Variants in MLLT6 observed in about 807,000 individuals in gnomAD.
The protein encoded by MLLT6 is protein AF-17.
MLLT6 carries 22 observed loss-of-function variants against 103.0 expected under a neutral mutation model. The observed-to-expected ratio is 0.21, with a 90% CI of 0.15 to 0.31. The LOEUF is 0.31. MLLT6 is among the 10% of genes least tolerant of loss of function. The pLI is 1.00. For synonymous variants in MLLT6, 606 were observed against 623.5 expected (o/e 0.97, Z 0.42); for missense variants, 1,199 against 1,441.7 (o/e 0.83, Z 2.73).
intron 6 of MLLT6, 144 bp from the exon 7 acceptor site, chr17:38,711,703 G>A (rs1905145685): frequency 9.8e-6 from 10 of 1,025,178 alleles, no homozygotes; most frequent in Non-Finnish European, 1.1e-5. Context: ...GCTGAGCAGA[G>A]CATCATAGAG....
Position 38,709,008 on chromosome 17 carries a change from C to G in MLLT6, c.355-165C>G. ...AGCCCATGTGACTGGTGGCATTTGT[C>G]TTGGACGGCGCAGACCATAGAGCGT... On this transcript the variant is annotated intron_variant, in intron 4 of 19. Coordinates refer to ENST00000621332, the MANE Select transcript of MLLT6 (RefSeq NM_005937.4). The surrounding 1 kb of genome is among the most constrained non-coding windows in gnomAD (Gnocchi z 4.3). 1.6e-6 allele frequency: 1 copy of G among 616,698 alleles called. No homozygotes were observed. Among genetic ancestry groups the G allele is most frequent in the Non-Finnish European group, 2.8e-6 (1 of 352,056 alleles). The allele number at this position is 616,698 out of a possible 1,614,324, so 38.2% of individuals were successfully genotyped here. A position where few individuals can be genotyped will look rare whatever the true frequency, so the allele number is the denominator to read the frequency against.
In MLLT6 at chr17:38,707,512, C is replaced by T. The variant is rs767371375; in HGVS notation, c.216C>T (p.Asp72=). The T allele has an allele frequency of 2.5e-5, 40 of 1,614,030 alleles. 1 individual carries two copies. Among genetic ancestry groups the T allele is most frequent in the South Asian group, 2.2e-4 (20 of 91,086 alleles). The part of the protein sequence containing the change: ...RVRCELCPHK[D]GALKRTDNGG... ...GGTGTGAGCTGTGCCCACACAAAGA[C>T]GGGGCATTGAAGAGGACTGATAATG... Residue 72 remains aspartate, a synonymous_variant, in exon 3 of 20, where the codon GAC becomes GAT. Transcript: ENST00000621332.
At position 38,722,171 on chromosome 17, in the gene MLLT6, A is replaced by G; in HGVS notation, c.2736A>G (p.Ala912=). 1 of 1,368,416 alleles carries G rather than the reference A, an allele frequency of 7.3e-7. No homozygotes were observed. The highest frequency in any genetic ancestry group is 9.4e-7 in the Non-Finnish European group (1 of 1,066,086). 84.8% of individuals were successfully genotyped at this position (1,368,416 alleles called of 1,614,324 possible). ...ATGGGGCCGCTGCCCCCAACCCCGC[A>G]AGCTTGAGCCAGGCTGGCGGGGCCC... is the stretch of plus-strand genomic sequence containing the variant. ...GLNGAAAPNP[A]SLSQAGGAPT... Residue 912 remains alanine (A), a synonymous_variant, in exon 17 of 20, where the codon GCA becomes GCG. Coordinates refer to ENST00000621332, the MANE Select transcript of MLLT6 (RefSeq NM_005937.4).
In MLLT6 at chr17:38,722,046, G is replaced by A. The variant is rs552726115; in HGVS notation, c.2611G>A (p.Gly871Arg). The stretch of plus-strand genomic sequence containing the variant: ...GCAGAACGGGTTGGGCCGGGCACCC[G>A]GGGCAGCGGGGCTGGGGGCCATGCC... ...QPQNGLGRAP[G>R]AAGLGAMPMA... Residue 871 changes from glycine to arginine, a missense_variant, in exon 17 of 20, where the codon GGG (glycine) becomes AGG (arginine). Physicochemically the swap from Gly to Arg is moderately radical, Grantham distance 125 (BLOSUM62 -2). Coordinates refer to ENST00000621332, the MANE Select transcript of MLLT6 (RefSeq NM_005937.4). 11 of 1,407,632 alleles carry A rather than the reference G, an allele frequency of 7.8e-6. No individual in the cohort carries two copies. The highest frequency in any genetic ancestry group is 3.0e-5 in the Admixed American group (1 of 33,646). 87.2% of individuals were successfully genotyped at this position (1,407,632 alleles called of 1,614,324 possible).
rs1407045381 is a variant in MLLT6 at position 38,716,458 on chromosome 17, C to T, written c.1128C>T (p.Ala376=). ...EDKYSKPTAP[A]PSAPPSPSAP... ...AGTACTCCAAGCCCACAGCCCCCGC[C>T]CCTTCAGCCCCTCCTTCTCCCTCAG... is the stretch of plus-strand genomic sequence containing the variant. Residue 376 remains alanine (A), a synonymous_variant, in exon 10 of 20, where the codon GCC becomes GCT. Transcript: ENST00000621332. The surrounding 1 kb of genome is among the most constrained non-coding windows in gnomAD (Gnocchi z 5.6). The T allele has an allele frequency of 1.2e-6, 2 of 1,613,972 alleles. No homozygotes were observed. Among genetic ancestry groups the T allele is most frequent in the Non-Finnish European group, 1.7e-6 (2 of 1,179,900 alleles).
intron 8 of MLLT6, chr17:38,714,820 C>G (rs1346267789): frequency 6.6e-6 from 1 of 152,278 alleles, no homozygotes; most frequent in African/African-American, 2.4e-5. Flanking sequence ...CTCTGCCCGA[C>G]TTAGAGCCCA....
Position 38,709,014 on chromosome 17 carries a change from C to T in MLLT6, c.355-159C>T, listed in dbSNP as rs72836944. 3.3e-3 allele frequency: 2,056 copies of T among 624,838 alleles called. 3 individuals carry two copies. The highest frequency in any genetic ancestry group is 5.0e-3 in the Non-Finnish European group (1,795 of 357,120). The allele number at this position is 624,838 out of a possible 1,614,324, so 38.7% of individuals were successfully genotyped here. ...TGTGACTGGTGGCATTTGTCTTGGA[C>T]GGCGCAGACCATAGAGCGTTTTCAT... is the stretch of plus-strand genomic sequence containing the variant. On this transcript the variant is annotated intron_variant, in intron 4 of 19. Transcript: ENST00000621332. This position sits in a 1 kb window ranked among gnomAD's most constrained non-coding sequence, Gnocchi z 4.3.
intron 4 of MLLT6, chr17:38,708,125 A>AT: frequency 1.9e-6 from 1 of 532,776 alleles, no homozygotes. Context: ...TCATTCATTC[A>AT]TTCGCTGGAC....
intron 18 of MLLT6, 60 bp downstream of exon 18, chr17:38,722,828 C>CA: frequency 7.8e-7 from 1 of 1,288,848 alleles, no homozygotes; most frequent in Non-Finnish European, 1.1e-6. Context: ...GGGCACATCT[C>CA]AGAGGATCAG....
intron 18 of MLLT6, 109 bp downstream of exon 18, chr17:38,722,877 G>C (rs1391321058): frequency 2.4e-6 from 2 of 831,902 alleles, no homozygotes; most frequent in African/African-American, 3.3e-5. Flanking sequence ...AGAGTGAGGG[G>C]AAGCTCTAGG....
Position 38,711,906 on chromosome 17 carries a change from C to T in MLLT6, c.612C>T (p.Ser204=), listed in dbSNP as rs1237999814. 1 of 1,606,810 alleles carries T rather than the reference C, an allele frequency of 6.2e-7. No individual in the cohort carries two copies. Among genetic ancestry groups the T allele is most frequent in the African/African-American group, 1.3e-5 (1 of 74,804 alleles). The change falls in exon 7 of 20, where the codon AGC becomes AGT. Residue 204 remains serine (S), a synonymous_variant. Coordinates refer to ENST00000621332, the MANE Select transcript of MLLT6 (RefSeq NM_005937.4). The part of the protein sequence containing the change: ...GGGGAGGGGG[S]MGGGGSGFIS... ...GAGGCGCTGGAGGAGGAGGTGGCAG[C>T]ATGGGGGGAGGTGGCAGTGGTTTCA...
Position 38,709,548 on chromosome 17 carries a change from C to T in MLLT6, c.525C>T (p.Gly175=). ...AGGTGGACAACGTCAAGTACTGCGG[C>T]TACTGCAAATACCACTTCAGCAAGA... The part of the protein sequence containing the change: ...VLEVDNVKYC[G]YCKYHFSKMK... Residue 175 remains glycine (G), a synonymous_variant, in exon 6 of 20, where the codon GGC becomes GGT. Coordinates refer to ENST00000621332, the MANE Select transcript of MLLT6 (RefSeq NM_005937.4). This position sits in a 1 kb window ranked among gnomAD's most constrained non-coding sequence, Gnocchi z 4.3. The T allele has an allele frequency of 6.2e-7, 1 of 1,614,120 alleles. No homozygotes were observed. The highest frequency in any genetic ancestry group is 8.5e-7 in the Non-Finnish European group (1 of 1,179,944).
At chr17:38,706,739 C>T in intron 1 of MLLT6, 2 of 423,754 alleles carry the variant, frequency 4.7e-6, no homozygotes, top group South Asian at 1.3e-4. Context: ...TCAGACTTCC[C>T]GCCCTGTTTG....
At chr17:38,720,148 T>C in intron 14 of MLLT6, 1 of 694,410 alleles carries the variant, frequency 1.4e-6, no homozygotes, top group South Asian at 1.9e-5. Flanking sequence ...CCTTCTCTCC[T>C]GACCCGTGTG....
In MLLT6 at chr17:38,728,745, T is replaced by C. The variant is rs1320027650; in HGVS notation, c.*3147T>C. On this transcript the variant is annotated 3_prime_UTR_variant, in exon 20 of 20. Transcript: ENST00000621332. ...GGTTCCCCTGCCCCACAACATGGTC[T>C]CCACATGGCTGGCTGGCTGGCTGTC... 1 of 234,422 alleles carries C rather than the reference T, an allele frequency of 4.3e-6. No individual in the cohort carries two copies. The highest frequency in any genetic ancestry group is 8.4e-6 in the Non-Finnish European group (1 of 118,716). The allele number at this position is 234,422 out of a possible 1,614,324, so 14.5% of individuals were successfully genotyped here. A position where few individuals can be genotyped will look rare whatever the true frequency, so the allele number is the denominator to read the frequency against.
chr17:38,706,415 C>CG, intron 1 of MLLT6, among the ~76,000 whole-genome samples: 1 of 152,162 alleles, frequency 6.6e-6, no homozygotes, highest in South Asian at 2.1e-4. Flanking sequence ...TGCTGTGGCC[C>CG]GGGGCTCTTC....
chr17:38,728,773 T>A lies in MLLT6; in HGVS notation c.*3175T>A. ...ACATGGCTGGCTGGCTGGCTGTCCC[T>A]GTGTGTGTGTGACACACGGTGTGAG... On this transcript the variant is annotated 3_prime_UTR_variant, in exon 20 of 20. Transcript: ENST00000621332. 4.3e-6 allele frequency: 1 copy of A among 233,368 alleles called. No homozygotes were observed. The highest frequency in any genetic ancestry group is 8.5e-6 in the Non-Finnish European group (1 of 117,990). 14.5% of individuals were successfully genotyped at this position (233,368 alleles called of 1,614,324 possible).
chr17:38,720,759 G>A lies in MLLT6; in HGVS notation c.2442+12G>A, dbSNP rs371591566. 61 of 1,612,132 alleles carry A rather than the reference G, an allele frequency of 3.8e-5. 1 individual carries two copies. Among genetic ancestry groups the A allele is most frequent in the East Asian group, 6.7e-5 (3 of 44,878 alleles). ...CCACTTCTTCTGAGGTGGGCGCTAC[G>A]AGGAGTGGGGCAGGAAGGAGGGGGA... On this transcript the variant is annotated intron_variant, in intron 16 of 19. Coordinates refer to ENST00000621332, the MANE Select transcript of MLLT6 (RefSeq NM_005937.4).
chr17:38,713,013 C>A (rs1232574608), intron 8 of MLLT6: 1 of 776,964 alleles, frequency 1.3e-6, no homozygotes, highest in Non-Finnish European at 2.4e-6. Flanking sequence ...GTGCTGTCTG[C>A]CAGATACTCC....
Sources: gnomAD v4.1 joint callset for allele counts (sites outside exome capture counted in the v4.1 genomes callset) on GRCh38, gnomAD v4.1.1 for gene constraint, Gnocchi (gnomAD v3.1) non-coding constraint, MANE v1.5 for transcripts, NCBI Gene and HGNC (gene_info 2026-07-23, HGNC 2026-07-21) for gene names.